ATP13A4: variants seen among roughly 807,000 people sequenced by gnomAD.
ATP13A4 encodes ATPase 13A4, also known as probable cation-transporting ATPase 13A4.
Under a neutral mutation model 142.5 loss-of-function variants are expected in ATP13A4, and 114 were observed. The observed-to-expected ratio is 0.80, with a 90% CI of 0.69 to 0.93. The LOEUF is 0.93. Among genes scored for constraint, ATP13A4 ranks in the 40% least tolerant of loss-of-function variants. The pLI is 0.00. For missense variants in ATP13A4, 1,392 were observed against 1,454.0 expected, an observed-to-expected ratio of 0.96 and a Z score of 0.69; for synonymous variants, 488 against 514.8, an observed-to-expected ratio of 0.95 and a Z score of 0.70.
chr3:193,521,660 C>T (rs910771110), intron 1 of ATP13A4, among the ~76,000 whole-genome samples: 6 of 152,190 alleles, frequency 3.9e-5, no homozygotes, highest in Non-Finnish European at 5.9e-5. Flanking sequence ...CAGCCAGGTG[C>T]GATGGCTCAT....
intron 1 of ATP13A4, among the ~76,000 whole-genome samples, chr3:193,522,314 G>C (rs915693852): frequency 1.3e-5 from 2 of 152,132 alleles, no homozygotes; most frequent in African/African-American, 4.8e-5. Context: ...ACACAAACTT[G>C]GGTTGAAGTT....
intron 1 of ATP13A4, among the ~76,000 whole-genome samples, chr3:193,589,959 CA>C (rs35624117): frequency 0.2 from 16,550 of 83,920 alleles, 940 homozygotes; most frequent in Non-Finnish European, 0.25. Context: ...GTTCTTTTGC[CA>C]AAAAAAAAAA....
In ATP13A4 at chr3:193,441,531, G is replaced by T; in HGVS notation, c.2374C>A (p.His792Asn). 6.2e-7 allele frequency: 1 copy of T among 1,613,282 alleles called. No homozygotes were observed. Among genetic ancestry groups the T allele is most frequent in the African/African-American group, 1.3e-5 (1 of 75,006 alleles). Residue 792 changes from histidine (H) to asparagine (N), a missense_variant, in exon 20 of 30, where the codon CAT (histidine) becomes AAT (asparagine). By Grantham distance (68) the His-to-Asn change is moderately conservative (BLOSUM62 1). Coordinates refer to ENST00000342695, the MANE Select transcript of ATP13A4 (RefSeq NM_032279.4). Reference sequence around the variant, plus strand: ...AAGGATTTTCCAGTTAGGGCAAAATGGTAACTTCCTTCTCTGCCTTTATCA... The same window carrying T: ...AAGGATTTTCCAGTTAGGGCAAAATTGTAACTTCCTTCTCTGCCTTTATCA... The part of the protein sequence containing the change: ...VSDKGREGSY[H>N]FALTGKSFHV...
At chr3:193,421,528 T>C (rs1310581713) in intron 25 of ATP13A4, among the ~76,000 whole-genome samples, 1 of 150,066 alleles carries the variant, frequency 6.7e-6, no homozygotes, top group South Asian at 2.1e-4. Flanking sequence ...AATACTGTTA[T>C]GGTGCTCTAT....
Position 193,440,641 on chromosome 3 carries a change from T to A in ATP13A4, c.2440-4A>T. The A allele has an allele frequency of 6.2e-7, 1 of 1,613,766 alleles. No homozygotes were observed. Among genetic ancestry groups the A allele is most frequent in the Middle Eastern group, 1.7e-4 (1 of 6,060 alleles). ...AGATGGTCCCATTGATCAATATCTG[T>A]AAGGAACCCAAAATGGAGATTTTTT... is the stretch of plus-strand genomic sequence containing the variant. On this transcript the variant is annotated splice_polypyrimidine_tract_variant and splice_region_variant and intron_variant, in intron 20 of 29. Coordinates refer to ENST00000342695, the MANE Select transcript of ATP13A4 (RefSeq NM_032279.4).
chr3:193,485,814 C>A (rs1719580224), intron 7 of ATP13A4, among the ~76,000 whole-genome samples: 1 of 151,664 alleles, frequency 6.6e-6, no homozygotes, highest in Admixed American at 6.6e-5. Context: ...AGGAAGGTAC[C>A]ATCTCTGAAC....
At chr3:193,474,930 G>A (rs2108651408) in intron 8 of ATP13A4, among the ~76,000 whole-genome samples, 1 of 152,102 alleles carries the variant, frequency 6.6e-6, no homozygotes, top group East Asian at 1.9e-4. Context: ...AAAAAAGAGA[G>A]TGAGACATAT....
At chr3:193,458,898 G>C (rs1226705329) in intron 14 of ATP13A4, 183 bp downstream of exon 14, 6 of 751,804 alleles carry the variant, frequency 8.0e-6, no homozygotes, top group East Asian at 7.7e-5. Context: ...TCATTATGTA[G>C]ATGCTATTAT....
At chr3:193,403,196 T>C (rs946884679) in intron 29 of ATP13A4, among the ~76,000 whole-genome samples, 3 of 152,264 alleles carry the variant, frequency 2.0e-5, no homozygotes, top group Non-Finnish European at 4.4e-5. Context: ...TGTTTCACTC[T>C]ATAGCACATC....
intron 23 of ATP13A4, among the ~76,000 whole-genome samples, chr3:193,437,903 C>G (rs1716387924): frequency 6.9e-6 from 1 of 144,732 alleles, no homozygotes; most frequent in South Asian, 2.2e-4. Context: ...ACAATCTTGG[C>G]TCACTGCAAT....
intron 18 of ATP13A4, among the ~76,000 whole-genome samples, chr3:193,445,618 G>T (rs759010545): frequency 6.6e-6 from 1 of 151,720 alleles, no homozygotes; most frequent in African/African-American, 2.4e-5. Context: ...TTAGCTGGGC[G>T]TGGTGGTGCA....
chr3:193,561,189 G>T (rs1328883235), intron 2 of ATP13A4, among the ~76,000 whole-genome samples: 1 of 152,232 alleles, frequency 6.6e-6, no homozygotes, highest in Non-Finnish European at 1.5e-5. Context: ...CACTGCCTCT[G>T]GGCAGACTAA....
chr3:193,405,040 G>T (rs1367202269), intron 29 of ATP13A4, among the ~76,000 whole-genome samples: 1 of 152,162 alleles, frequency 6.6e-6, no homozygotes, highest in Non-Finnish European at 1.5e-5. Context: ...TAAGGATAAG[G>T]TCCTGCTCAA....
intron 1 of ATP13A4, among the ~76,000 whole-genome samples, chr3:193,554,115 T>C (rs1263241168): frequency 6.6e-6 from 1 of 152,230 alleles, no homozygotes; most frequent in Non-Finnish European, 1.5e-5. Flanking sequence ...GTTCTCAAGA[T>C]AGAAGCACAT....
intron 23 of ATP13A4, 65 bp from the exon 24 acceptor site, chr3:193,435,809 T>C: frequency 7.2e-7 from 1 of 1,395,572 alleles, no homozygotes; most frequent in Non-Finnish European, 1.0e-6. Flanking sequence ...AGTCATTCTG[T>C]GCTGTTCAGC....
intron 1 of ATP13A4, among the ~76,000 whole-genome samples, chr3:193,520,478 T>C (rs923644484): frequency 3.3e-5 from 5 of 152,224 alleles, no homozygotes; most frequent in Non-Finnish European, 5.9e-5. Context: ...TTTCTCTTTT[T>C]AGCCTGTCTC....
In ATP13A4 at chr3:193,418,442, C is replaced by T. The variant is rs566598301; in HGVS notation, c.2843-3692G>A. On this transcript the variant is annotated intron_variant, in intron 25 of 29. Transcript: ENST00000342695. ...CTATATTTTGATGAAAATAACTAAA[C>T]GAGAGTGTCAGAATACATCAAAGGA... Among the ~76,000 whole-genome samples, 58 of 149,570 alleles carry T rather than the reference C, an allele frequency of 3.9e-4. 2 individuals are homozygous for T. Among genetic ancestry groups the T allele is most frequent in the Middle Eastern group, 6.8e-3 (2 of 292 alleles).
chr3:193,558,920 T>C (rs1277733076), upstream of ATP13A4, among the ~76,000 whole-genome samples: 2 of 152,222 alleles, frequency 1.3e-5, no homozygotes, highest in Non-Finnish European at 2.9e-5. Flanking sequence ...CTACCTCTGC[T>C]GATCTGGCAT....
intron 1 of ATP13A4, among the ~76,000 whole-genome samples, chr3:193,519,457 C>A (rs1721596497): frequency 2.0e-5 from 3 of 152,068 alleles, no homozygotes; most frequent in Admixed American, 2.0e-4. Flanking sequence ...TCACCCAGCC[C>A]TTTCCTGCCT....
Sources: gnomAD v4.1 joint callset for allele counts (sites outside exome capture counted in the v4.1 genomes callset) on GRCh38, gnomAD v4.1.1 for gene constraint, MANE v1.5 for transcripts, NCBI Gene and HGNC (gene_info 2026-07-23, HGNC 2026-07-21) for gene names.